RINT1: variants seen among roughly 807,000 people sequenced by gnomAD.
RINT1 encodes RAD50 interactor 1, also known as RAD50-interacting protein 1.
A neutral mutation model predicts 97.7 loss-of-function variants in RINT1; 75 were observed. The ratio of observed to expected loss-of-function variants is 0.77; its 90% CI spans 0.64 to 0.93. The LOEUF is 0.93. Ranked by LOEUF, RINT1 falls within the 40% of genes least tolerant of loss-of-function variation. The pLI is 0.00. For synonymous variants in RINT1, 303 were observed against 326.3 expected (o/e 0.93, Z 0.77); for missense variants, 892 against 925.2 (o/e 0.96, Z 0.47).
chr7:105,538,248 C>T (rs948029755), intron 3 of RINT1, among the ~76,000 whole-genome samples: 1 of 152,172 alleles, frequency 6.6e-6, no homozygotes, highest in African/African-American at 2.4e-5. Flanking sequence ...GCCTTGGCCT[C>T]CCAAAATGCT....
chr7:105,562,583 G>A (rs1791484385), intron 11 of RINT1, among the ~76,000 whole-genome samples: 1 of 152,110 alleles, frequency 6.6e-6, no homozygotes, highest in Non-Finnish European at 1.5e-5. Context: ...CATACCAAGA[G>A]AAATGAAACA....
In RINT1 at chr7:105,532,233, G is replaced by T. The variant is rs1790060707; in HGVS notation, c.-83G>T. 4 of 1,458,092 alleles carry T rather than the reference G, an allele frequency of 2.7e-6. No homozygotes were observed. Among genetic ancestry groups the T allele is most frequent in the Non-Finnish European group, 3.7e-6 (4 of 1,078,942 alleles). 90.3% of individuals were successfully genotyped at this position (1,458,092 alleles called of 1,614,324 possible). On this transcript the variant is annotated 5_prime_UTR_variant, in exon 1 of 15. Transcript: ENST00000257700. Reference sequence around the variant, plus strand: ...TCAGTCCTACGGCCTCCGAGGCTGGGTAGTGAGTGTGTCGCTGGCCTTAGC... The same window carrying T: ...TCAGTCCTACGGCCTCCGAGGCTGGTTAGTGAGTGTGTCGCTGGCCTTAGC...
At chr7:105,564,837 C>T (rs1247228785) in intron 12 of RINT1, among the ~76,000 whole-genome samples, 1 of 152,068 alleles carries the variant, frequency 6.6e-6, no homozygotes, top group South Asian at 2.1e-4. Context: ...CCTGTCTCTA[C>T]TAAAAAATTC....
intron 6 of RINT1, 66 bp downstream of exon 6, chr7:105,547,399 A>G (rs1209919860): frequency 4.6e-6 from 7 of 1,536,956 alleles, no homozygotes; most frequent in Non-Finnish European, 6.2e-6. Flanking sequence ...GTGGCTAGAG[A>G]GTAAAACTTT....
intron 2 of RINT1, 145 bp downstream of exon 2, chr7:105,533,014 A>T (rs1175234305): frequency 1.5e-5 from 11 of 735,998 alleles, no homozygotes; most frequent in Non-Finnish European, 4.7e-6. Flanking sequence ...ACTGATGACC[A>T]TGATACACAT....
Position 105,532,806 on chromosome 7 carries a change from C to T in RINT1, c.43-18C>T. ...GACTTTAATCTTAATGTGCTTGTCA[C>T]ATCTGTTCTTCTTCTAGTGCTGCTC... On this transcript the variant is annotated intron_variant, in intron 1 of 14. Transcript: ENST00000257700. The T allele has an allele frequency of 6.2e-6, 10 of 1,613,816 alleles. No homozygotes were observed. Among genetic ancestry groups the T allele is most frequent in the Non-Finnish European group, 8.5e-6 (10 of 1,179,782 alleles).
chr7:105,542,383 CTTTCT>C lies in RINT1; in HGVS notation c.274-21_274-17del, dbSNP rs747721475. On this transcript the variant is annotated intron_variant, in intron 3 of 14. Coordinates refer to ENST00000257700, the MANE Select transcript of RINT1 (RefSeq NM_021930.6). ...ATCTGATTGCTGCTGTTCTTTCTTT[CTTTCT>C]TTTTTAAAATTATGGTCAGGTACTT... 13 of 1,519,528 alleles carry C rather than the reference CTTTCT, an allele frequency of 8.6e-6. No homozygotes were observed. The highest frequency in any genetic ancestry group is 4.0e-5 in the Admixed American group (2 of 50,490). The allele number at this position is 1,519,528 out of a possible 1,614,324, so 94.1% of individuals were successfully genotyped here. A position where few individuals can be genotyped will look rare whatever the true frequency, so the allele number is the denominator to read the frequency against.
At chr7:105,558,885 G>A (rs758070279) in intron 11 of RINT1, among the ~76,000 whole-genome samples, 5 of 151,788 alleles carry the variant, frequency 3.3e-5, no homozygotes, top group East Asian at 1.9e-4. Flanking sequence ...GCTTGAGCCC[G>A]GGAGGTTGAG....
At chr7:105,557,225 CAG>C (rs756362846) in intron 11 of RINT1, among the ~76,000 whole-genome samples, 3 of 151,700 alleles carry the variant, frequency 2.0e-5, no homozygotes, top group African/African-American at 4.8e-5. Flanking sequence ...AAAATGAAAA[CAG>C]AAAGGTAAAC....
At position 105,551,487 on chromosome 7, in the gene RINT1, A is replaced by G. The variant is rs1006723455; in HGVS notation, c.1334-83A>G. Reference sequence around the variant, plus strand: ...TTTGTTTCTTTTTTATAGAAAAGCCATCATTCCTAAAAAATTACAAGTTGA... The same window carrying G: ...TTTGTTTCTTTTTTATAGAAAAGCCGTCATTCCTAAAAAATTACAAGTTGA... On this transcript the variant is annotated intron_variant, in intron 9 of 14. Coordinates refer to ENST00000257700, the MANE Select transcript of RINT1 (RefSeq NM_021930.6). 26 of 1,228,506 alleles carry G rather than the reference A, an allele frequency of 2.1e-5. No individual in the cohort carries two copies. The African/African-American group carries it at 3.1e-4, about 14-fold the overall frequency. 76.1% of individuals were successfully genotyped at this position (1,228,506 alleles called of 1,614,324 possible). A position where few individuals can be genotyped will look rare whatever the true frequency, so the allele number is the denominator to read the frequency against.
intron 4 of RINT1, 49 bp from the exon 5 acceptor site, chr7:105,546,861 T>A: frequency 7.1e-7 from 1 of 1,409,880 alleles, no homozygotes; most frequent in Admixed American, 2.1e-5. Flanking sequence ...GGCAACAGAG[T>A]GAGACTCTGT....
At chr7:105,549,791 G>A (rs969250959) in intron 7 of RINT1, among the ~76,000 whole-genome samples, 1 of 152,072 alleles carries the variant, frequency 6.6e-6, no homozygotes, top group African/African-American at 2.4e-5. Context: ...GAAGTGCTAG[G>A]TTTTAAATAT....
chr7:105,537,584 C>G (rs1306143044), intron 3 of RINT1, among the ~76,000 whole-genome samples: 1 of 151,634 alleles, frequency 6.6e-6, no homozygotes, highest in Non-Finnish European at 1.5e-5. Context: ...AATCCCAGCA[C>G]TTTGGGAGGC....
At chr7:105,532,991 C>T in intron 2 of RINT1, 122 bp downstream of exon 2, 1 of 846,912 alleles carries the variant, frequency 1.2e-6, no homozygotes, top group Non-Finnish European at 2.0e-6. Context: ...GCACAATATG[C>T]TTATATGGTA....
chr7:105,558,850 A>C (rs146006876), intron 11 of RINT1, among the ~76,000 whole-genome samples: 13 of 151,944 alleles, frequency 8.6e-5, no homozygotes, highest in Non-Finnish European at 1.9e-4. Context: ...GGTCCCAGCT[A>C]CTTGGAGGCT....
chr7:105,548,965 A>T (rs1031490514), intron 7 of RINT1, among the ~76,000 whole-genome samples: 1 of 152,124 alleles, frequency 6.6e-6, no homozygotes, highest in Non-Finnish European at 1.5e-5. Flanking sequence ...AGCAAAGCAA[A>T]TAGTAAGCAC....
intron 9 of RINT1, among the ~76,000 whole-genome samples, chr7:105,551,216 G>T (rs1393627432): frequency 6.6e-6 from 1 of 151,974 alleles, no homozygotes; most frequent in East Asian, 1.9e-4. Context: ...TTTTTGTAGA[G>T]ATGGGGTTTC....
At chr7:105,559,637 C>T (rs530734687) in intron 11 of RINT1, among the ~76,000 whole-genome samples, 1 of 150,626 alleles carries the variant, frequency 6.6e-6, no homozygotes, top group East Asian at 2.0e-4. Flanking sequence ...AGGAGAATAG[C>T]TTGAACCGGG....
At chr7:105,559,167 G>A (rs957570924) in intron 11 of RINT1, among the ~76,000 whole-genome samples, 1 of 150,124 alleles carries the variant, frequency 6.7e-6, no homozygotes, top group African/African-American at 2.5e-5. Context: ...GGCCAAGGTG[G>A]GTGGATCACC....
Sources: allele counts gnomAD v4.1 joint callset (sites outside exome capture counted in the v4.1 genomes callset), GRCh38; gene constraint gnomAD v4.1.1; transcripts MANE v1.5; gene names NCBI Gene and HGNC (gene_info 2026-07-23, HGNC 2026-07-21).